Variants in ATXN1 observed in about 807,000 individuals in gnomAD.
ATXN1 encodes the protein ataxin 1.
A neutral mutation model predicts 56.4 loss-of-function variants in ATXN1; 8 were observed. That is an observed-to-expected ratio of 0.14 (90% CI 0.08 to 0.26). The LOEUF (loss-of-function observed/expected upper bound fraction) is 0.26. Among genes scored for constraint, ATXN1 ranks in the 10% least tolerant of loss-of-function variants. ATXN1 has a pLI of 1.00. For missense variants in ATXN1, 987 were observed against 1,106.5 expected, an observed-to-expected ratio of 0.89 and a Z score of 1.53; for synonymous variants, 514 against 494.6, an observed-to-expected ratio of 1.04 and a Z score of -0.52.
chr6:16,521,888 C>T (rs1054583192), intron 5 of ATXN1, among the ~76,000 whole-genome samples: 2 of 152,194 alleles, frequency 1.3e-5, no homozygotes, highest in Non-Finnish European at 2.9e-5. Context: ...TCTGCCAACC[C>T]CTTTACTTAG....
chr6:16,363,269 T>TTTTTTCTTCTCCATCA (rs1761851442), intron 6 of ATXN1, among the ~76,000 whole-genome samples: 2 of 152,238 alleles, frequency 1.3e-5, no homozygotes, highest in Non-Finnish European at 2.9e-5. Flanking sequence ...CCTAAGGCCG[T>TTTTTTCTTCTCCATCA]GGCACTGTGC....
intron 4 of ATXN1, among the ~76,000 whole-genome samples, chr6:16,541,136 G>A (rs758244194): frequency 2.0e-5 from 3 of 152,162 alleles, no homozygotes; most frequent in Admixed American, 6.5e-5. Context: ...CCGCTGCCCC[G>A]GTCAATAGAG....
In ATXN1 at chr6:16,330,389, CCTT is replaced by C. The variant is rs550188159; in HGVS notation, c.-160-1922_-160-1920del. On this transcript the variant is annotated intron_variant, in intron 6 of 7. Coordinates refer to ENST00000436367, the MANE Select transcript of ATXN1 (RefSeq NM_001128164.2). Reference sequence around the variant, plus strand: ...CAATGATTTTTTTCCTTCCTTCCTTCCTTTTTTTTTTTTTTTTTTTGAAAAGGT... The same window carrying C: ...CAATGATTTTTTTCCTTCCTTCCTTCTTTTTTTTTTTTTTTTTGAAAAGGT... Among the ~76,000 whole-genome samples, 108 of 125,960 alleles carry C rather than the reference CCTT, an allele frequency of 8.6e-4. 2 individuals are homozygous for C. The South Asian group carries it at 0.022, about 25-fold the overall frequency. The allele number at this position is 125,960 out of a possible 152,430, so 82.6% of individuals were successfully genotyped here. A position where few individuals can be genotyped will look rare whatever the true frequency, so the allele number is the denominator to read the frequency against.
At chr6:16,632,190 A>G (rs1041712459) in intron 3 of ATXN1, among the ~76,000 whole-genome samples, 5 of 151,924 alleles carry the variant, frequency 3.3e-5, no homozygotes, top group African/African-American at 1.2e-4. Flanking sequence ...TCCCCAACTA[A>G]TCCCCTCAGC....
At chr6:16,423,418 T>G (rs2282840) in intron 6 of ATXN1, among the ~76,000 whole-genome samples, 4 of 152,126 alleles carry the variant, frequency 2.6e-5, no homozygotes, top group African/African-American at 9.6e-5. Context: ...GGGGTTTAAT[T>G]ACAAGGAATG....
intron 5 of ATXN1, among the ~76,000 whole-genome samples, chr6:16,515,158 C>T (rs939771281): frequency 1.1e-4 from 17 of 152,066 alleles, no homozygotes; most frequent in African/African-American, 3.9e-4. Flanking sequence ...TCCTCCACAT[C>T]GGTCCCTTTG....
chr6:16,743,603 T>C (rs114693682), intron 2 of ATXN1, among the ~76,000 whole-genome samples: 1 of 152,162 alleles, frequency 6.6e-6, no homozygotes, highest in Non-Finnish European at 1.5e-5. Flanking sequence ...GTCCCTCCTA[T>C]CGCTGGGCCA....
At chr6:16,631,337 T>C (rs751038329) in intron 3 of ATXN1, among the ~76,000 whole-genome samples, 2 of 152,172 alleles carry the variant, frequency 1.3e-5, no homozygotes, top group Admixed American at 6.5e-5. Context: ...ATCTTATAAG[T>C]AGAAATGGGT....
At chr6:16,385,694 C>T (rs1284789651) in intron 6 of ATXN1, among the ~76,000 whole-genome samples, 1 of 152,124 alleles carries the variant, frequency 6.6e-6, no homozygotes, top group Admixed American at 6.5e-5. Flanking sequence ...AGTAGGTACT[C>T]GATACATACC....
intron 3 of ATXN1, among the ~76,000 whole-genome samples, chr6:16,594,818 C>T (rs917514688): frequency 2.6e-5 from 4 of 152,200 alleles, no homozygotes; most frequent in Non-Finnish European, 4.4e-5. Context: ...AAGAAATAAG[C>T]ATCCTGTCCC....
At chr6:16,332,977 C>G (rs1029640282) in intron 6 of ATXN1, among the ~76,000 whole-genome samples, 2 of 152,186 alleles carry the variant, frequency 1.3e-5, no homozygotes, top group Admixed American at 6.5e-5. Flanking sequence ...GAAACCCTAG[C>G]AGCTATCCGA....
Position 16,304,005 on chromosome 6 carries a change from G to T in ATXN1, c.*2324C>A, listed in dbSNP as rs1466127103. 2.0e-5 allele frequency: 3 copies of T among 152,518 alleles called. No individual in the cohort carries two copies. The highest frequency in any genetic ancestry group is 6.5e-5 in the Admixed American group (1 of 15,286). 9.4% of individuals were successfully genotyped at this position (152,518 alleles called of 1,614,324 possible). ...CCACCCAGCTCTCTGCAAGCATGCT[G>T]AGAGGGTAATGAAATTCGAGGAAAG... On this transcript the variant is annotated 3_prime_UTR_variant, in exon 8 of 8. Coordinates refer to ENST00000436367, the MANE Select transcript of ATXN1 (RefSeq NM_001128164.2).
chr6:16,504,134 C>T (rs1581806477), intron 5 of ATXN1, among the ~76,000 whole-genome samples: 1 of 152,138 alleles, frequency 6.6e-6, no homozygotes, highest in East Asian at 1.9e-4. Context: ...GTGGTTGAGA[C>T]ATGTGGTCAA....
At chr6:16,739,880 G>A in intron 2 of ATXN1, 1 of 457,086 alleles carries the variant, frequency 2.2e-6, no homozygotes, top group Non-Finnish European at 4.4e-6. Context: ...AGATCTTGGG[G>A]CAAGAAGAGA....
At chr6:16,695,971 A>C (rs528006890) in intron 2 of ATXN1, among the ~76,000 whole-genome samples, 3 of 152,166 alleles carry the variant, frequency 2.0e-5, no homozygotes, top group South Asian at 4.2e-4. Context: ...TTCTCTCTCT[A>C]TATATACAAA....
chr6:16,692,662 A>C (rs77329045), intron 2 of ATXN1, among the ~76,000 whole-genome samples: 1 of 81,936 alleles, frequency 1.2e-5, no homozygotes, highest in African/African-American at 3.5e-5. Context: ...CCAACAACAA[A>C]AACAATAGCA....
chr6:16,759,413 C>T (rs978869385), intron 1 of ATXN1, among the ~76,000 whole-genome samples: 1 of 151,806 alleles, frequency 6.6e-6, no homozygotes, highest in Non-Finnish European at 1.5e-5. Context: ...AGAATCTCTT[C>T]GGGGACAGAA....
chr6:16,636,307 A>AACCT (rs1763596350), intron 3 of ATXN1, among the ~76,000 whole-genome samples: 1 of 152,100 alleles, frequency 6.6e-6, no homozygotes, highest in Non-Finnish European at 1.5e-5. Flanking sequence ...CCGGAACTGA[A>AACCT]ACCTACATTG....
At chr6:16,375,504 C>A (rs1762125018) in intron 6 of ATXN1, among the ~76,000 whole-genome samples, 1 of 152,206 alleles carries the variant, frequency 6.6e-6, no homozygotes, top group Non-Finnish European at 1.5e-5. Context: ...TACAAAAATT[C>A]ATCATTCCCC....
Sources: allele counts gnomAD v4.1 joint callset (sites outside exome capture counted in the v4.1 genomes callset), GRCh38; gene constraint gnomAD v4.1.1; transcripts MANE v1.5; gene names NCBI Gene and HGNC (gene_info 2026-07-23, HGNC 2026-07-21).